The following SYNCRIP variants were observed in gnomAD, a reference collection of about 807,000 sequenced individuals.
SYNCRIP encodes heterogeneous nuclear ribonucleoprotein Q.
In SYNCRIP, 9 loss-of-function variants were observed where a neutral mutation model predicts 68.9. The ratio of observed to expected loss-of-function variants is 0.13; its 90% CI spans 0.08 to 0.23. The LOEUF (loss-of-function observed/expected upper bound fraction) is 0.23, where lower values mean the gene tolerates loss of function less well. SYNCRIP is among the 10% of genes least tolerant of loss of function. SYNCRIP has a pLI of 1.00. For synonymous variants in SYNCRIP, 258 were observed against 254.0 expected (o/e 1.02, Z -0.15); for missense variants, 414 against 770.6 (o/e 0.54, Z 5.48).
At chr6:85,633,088 TAAAAAAATAC>T (rs1052763962) in intron 6 of SYNCRIP, among the ~76,000 whole-genome samples, 24 of 150,362 alleles carry the variant, frequency 1.6e-4, no homozygotes, top group African/African-American at 5.6e-4. Flanking sequence ...CTGTCTCTAC[TAAAAAAATAC>T]AAAAAAAATT....
intron 2 of SYNCRIP, among the ~76,000 whole-genome samples, chr6:85,640,810 C>A (rs1034241237): frequency 6.6e-6 from 1 of 152,050 alleles, no homozygotes. Context: ...AGTCTGATAA[C>A]TCTGAACACT....
In SYNCRIP at chr6:85,618,310, G is replaced by A. The variant is rs557149791; in HGVS notation, c.1280+508C>T. The stretch of plus-strand genomic sequence containing the variant: ...AATCCCAGCACTTTGGGAGGCAGAG[G>A]TGGGCGGATCACCTGAGGTCAGGAG... On this transcript the variant is annotated intron_variant, in intron 10 of 10. Coordinates refer to ENST00000369622, the MANE Select transcript of SYNCRIP (RefSeq NM_006372.5). 4.6e-5 allele frequency among the ~76,000 whole-genome samples: 7 copies of A among 152,124 alleles called. No individual in the cohort carries two copies. In the South Asian group the frequency reaches 1.5e-3, roughly 32 times the overall value.
rs186972911 is a variant in SYNCRIP, at chr6:85,622,629, G to C, written c.861C>G (p.Gly287=). ...GATCTTCATATTCAAGAAAGCAAAAGCCTCTGTTTTTTTTCTTGTCATCCG... is the reference window on the plus strand; with the variant it reads ...GATCTTCATATTCAAGAAAGCAAAACCCTCTGTTTTTTTTCTTGTCATCCG... ...HQPDDKKKNR[G]FCFLEYEDHK... is the part of the protein sequence containing the mutation. The change falls in exon 8 of 11, where the codon GGC becomes GGG. Residue 287 remains glycine, a synonymous_variant. Transcript: ENST00000369622. 3.7e-6 allele frequency: 6 copies of C among 1,614,168 alleles called. No homozygotes were observed. Among genetic ancestry groups the C allele is most frequent in the South Asian group, 1.1e-5 (1 of 91,086 alleles).
At chr6:85,631,874 G>T (rs1807837635) in intron 6 of SYNCRIP, among the ~76,000 whole-genome samples, 1 of 152,296 alleles carries the variant, frequency 6.6e-6, no homozygotes, top group Admixed American at 6.5e-5. Flanking sequence ...TGTTGAGGCT[G>T]AATTTAAAGG....
downstream of SYNCRIP, chr6:85,608,036 T>C (rs1804968768): frequency 2.0e-5 from 3 of 152,112 alleles, no homozygotes; most frequent in Admixed American, 1.3e-4. Context: ...TCCCCGATTC[T>C]TTCCAAATTA....
At chr6:85,640,114 T>C in intron 4 of SYNCRIP, 107 bp downstream of exon 4, 1 of 752,778 alleles carries the variant, frequency 1.3e-6, no homozygotes, top group South Asian at 1.8e-5. Flanking sequence ...GATTGATGAA[T>C]TATCTCAACA....
At chr6:85,631,507 A>G (rs2128294822) in intron 6 of SYNCRIP, among the ~76,000 whole-genome samples, 1 of 152,326 alleles carries the variant, frequency 6.6e-6, no homozygotes, top group Non-Finnish European at 1.5e-5. Context: ...GTTGCCAAAT[A>G]TAAAGGGCAA....
At chr6:85,612,871 C>T, downstream of SYNCRIP, 1 of 1,550,520 alleles carries the variant, frequency 6.4e-7, no homozygotes, top group South Asian at 1.2e-5. Flanking sequence ...TCCCACATAG[C>T]AAGTCAGTCT....
downstream of SYNCRIP, chr6:85,613,975 C>A (rs1805489847): frequency 1.0e-6 from 1 of 983,046 alleles, no homozygotes. Flanking sequence ...CCAACTTAAA[C>A]TTACTACATG....
chr6:85,628,057 CTTTT>C (rs911243786), intron 6 of SYNCRIP, among the ~76,000 whole-genome samples: 2 of 149,326 alleles, frequency 1.3e-5, no homozygotes, highest in African/African-American at 2.5e-5. Flanking sequence ...TTGAAGATTT[CTTTT>C]TTTTTTCTTT....
intron 6 of SYNCRIP, among the ~76,000 whole-genome samples, chr6:85,630,189 GT>G (rs966861586): frequency 1.6e-4 from 24 of 151,628 alleles, no homozygotes; most frequent in Non-Finnish European, 3.2e-4. Context: ...GTGAAACCCC[GT>G]CTCTACTAAA....
At chr6:85,608,487 A>G (rs573264758) in exon 12 of SYNCRIP, 14 of 152,184 alleles carry the variant, frequency 9.2e-5, no homozygotes, top group Admixed American at 4.6e-4. Flanking sequence ...CGTTGAAAAG[A>G]ACAGGTAATT....
chr6:85,640,288 C>T lies in SYNCRIP; in HGVS notation c.308G>A (p.Arg103Lys). Residue 103 changes from arginine to lysine, a missense_variant, in exon 4 of 11, where the codon AGG becomes AAG. By Grantham distance (26) the Arg-to-Lys change is conservative. Around this residue, in one of 6 missense-constraint regions of SYNCRIP, gnomAD observed 110 missense variants for 269.3 expected, o/e 0.41. Transcript: ENST00000369622. ...AFLCGVMKTY[R>K]QREKQGTKVA... ...TTTGGTCCCTTGTTTTTCTCTCTGC[C>T]TGTAAGTCTTCATGACTCCACATAA... The T allele has an allele frequency of 6.2e-7, 1 of 1,613,782 alleles. No homozygotes were observed. Among genetic ancestry groups the T allele is most frequent in the Non-Finnish European group, 8.5e-7 (1 of 1,179,870 alleles).
chr6:85,643,207 T>C (rs994364376), upstream of SYNCRIP: 7 of 150,630 alleles, frequency 4.6e-5, no homozygotes, highest in African/African-American at 1.7e-4. Flanking sequence ...CAGGCACGAG[T>C]GGCCGCCTTT....
At chr6:85,633,183 G>A (rs1023244839) in intron 6 of SYNCRIP, among the ~76,000 whole-genome samples, 18 of 151,872 alleles carry the variant, frequency 1.2e-4, no homozygotes, top group South Asian at 2.1e-4. Context: ...GTGAACCCGG[G>A]AGGCAGAGCT....
chr6:85,619,168 G>T (rs2128282028), intron 9 of SYNCRIP, 100 bp downstream of exon 9: 1 of 1,493,116 alleles, frequency 6.7e-7, no homozygotes, highest in Non-Finnish European at 9.1e-7. Context: ...GGATTCCATG[G>T]ACTTCCAAAG....
intron 6 of SYNCRIP, among the ~76,000 whole-genome samples, chr6:85,628,953 C>A (rs1181339141): frequency 6.6e-6 from 1 of 152,194 alleles, no homozygotes; most frequent in Non-Finnish European, 1.5e-5. Context: ...CCTTTCATTT[C>A]TCTTTCCAAA....
At chr6:85,630,254 C>T (rs1386946026) in intron 6 of SYNCRIP, among the ~76,000 whole-genome samples, 1 of 151,650 alleles carries the variant, frequency 6.6e-6, no homozygotes, top group African/African-American at 2.4e-5. Flanking sequence ...CCCAGCTACT[C>T]GGAGGCTGAG....
intron 6 of SYNCRIP, among the ~76,000 whole-genome samples, chr6:85,633,363 G>A (rs894760305): frequency 7.2e-5 from 11 of 152,192 alleles, no homozygotes; most frequent in Middle Eastern, 3.4e-3. Context: ...TTGGGAAGCC[G>A]AGGCCGAGAC....
Sources: allele counts gnomAD v4.1 joint callset (sites outside exome capture counted in the v4.1 genomes callset), GRCh38; gene constraint gnomAD v4.1.1; regional missense constraint gnomAD v4.1.1; transcripts MANE v1.5; gene names NCBI Gene and HGNC (gene_info 2026-07-23, HGNC 2026-07-21).